SUFU: variants seen among roughly 807,000 people sequenced by gnomAD.
SUFU encodes SUFU negative regulator of hedgehog signaling, also known as suppressor of fused homolog.
A neutral mutation model predicts 58.9 loss-of-function variants in SUFU; 7 were observed. The ratio of observed to expected loss-of-function variants is 0.12; its 90% CI spans 0.07 to 0.22. The LOEUF is 0.22. Ranked by LOEUF, SUFU falls within the 10% of genes least tolerant of loss-of-function variation. The probability of loss-of-function intolerance (pLI) is 1.00; values close to 1 mark genes in which losing one functional copy is unlikely to be tolerated. For missense variants in SUFU, 451 were observed against 641.3 expected (o/e 0.70, Z 3.20); for synonymous variants, 232 against 254.8 (o/e 0.91, Z 0.85).
chr10:102,588,572 G>A lies in SUFU; in HGVS notation c.455-4010G>A, dbSNP rs142615837. On this transcript the variant is annotated intron_variant, in intron 3 of 11. Transcript: ENST00000369902. ...AAAATTAAGACCTTCAACTTTGCTC[G>A]TCTTCTTTAAGAATGTTTTGGCTAT... Among the ~76,000 whole-genome samples, 10 of 152,184 alleles carry A rather than the reference G, an allele frequency of 6.6e-5. No individual in the cohort carries two copies. The East Asian group carries it at 1.3e-3, about 21-fold the overall frequency.
intron 2 of SUFU, 146 bp from the exon 3 acceptor site, chr10:102,549,824 C>T (rs2062892949): frequency 1.9e-6 from 2 of 1,043,766 alleles, no homozygotes; most frequent in Admixed American, 2.2e-5. Context: ...GTTCCCTCCC[C>T]ACAAGGCTCA....
At chr10:102,545,372 G>A (rs2135732611) in intron 2 of SUFU, among the ~76,000 whole-genome samples, 1 of 148,326 alleles carries the variant, frequency 6.7e-6, no homozygotes, top group Non-Finnish European at 1.5e-5. Context: ...CGGCTCAAGT[G>A]GTCCATCCAC....
intron 3 of SUFU, among the ~76,000 whole-genome samples, chr10:102,578,887 A>T (rs2063244230): frequency 6.6e-6 from 1 of 151,562 alleles, no homozygotes; most frequent in South Asian, 2.1e-4. Context: ...AGAAAAAAAA[A>T]AAAGAGCAAA....
At chr10:102,561,938 G>A (rs1424157861) in intron 3 of SUFU, among the ~76,000 whole-genome samples, 1 of 152,054 alleles carries the variant, frequency 6.6e-6, no homozygotes, top group Non-Finnish European at 1.5e-5. Context: ...CAAAGTGGAG[G>A]GATTATAGGC....
chr10:102,512,483 GA>G (rs1362549718), intron 2 of SUFU, among the ~76,000 whole-genome samples: 1 of 152,204 alleles, frequency 6.6e-6, no homozygotes, highest in Non-Finnish European at 1.5e-5. Flanking sequence ...TGAAGAATGT[GA>G]TTGAGCAAGC....
chr10:102,545,969 G>A (rs1480435791), intron 2 of SUFU, among the ~76,000 whole-genome samples: 1 of 152,104 alleles, frequency 6.6e-6, no homozygotes, highest in Non-Finnish European at 1.5e-5. Context: ...GTGAGGCTCG[G>A]TCTCACATAT....
At chr10:102,559,325 G>T (rs1208256958) in intron 3 of SUFU, among the ~76,000 whole-genome samples, 2 of 152,010 alleles carry the variant, frequency 1.3e-5, no homozygotes, top group African/African-American at 4.8e-5. Flanking sequence ...CAAAATTGGG[G>T]TTCTGTTAGT....
chr10:102,513,820 C>T (rs1046260334), intron 2 of SUFU, among the ~76,000 whole-genome samples: 1 of 152,206 alleles, frequency 6.6e-6, no homozygotes, highest in African/African-American at 2.4e-5. Context: ...ATTGTTGCCA[C>T]TTGTAGTATT....
At chr10:102,526,711 G>A (rs1444593060) in intron 2 of SUFU, among the ~76,000 whole-genome samples, 1 of 152,142 alleles carries the variant, frequency 6.6e-6, no homozygotes, top group Non-Finnish European at 1.5e-5. Context: ...GGCAGCCAGG[G>A]CTGTCACATT....
At chr10:102,570,430 A>G (rs117899099) in intron 3 of SUFU, among the ~76,000 whole-genome samples, 3,159 of 152,108 alleles carry the variant, frequency 0.021, 78 homozygotes, top group Non-Finnish European at 0.027. Context: ...TTTAGTAGAG[A>G]CGGAGTTTCA....
rs1315277679 is a variant in SUFU, at chr10:102,504,182, C to T, written c.30C>T (p.Pro10=). Residue 10 remains proline, a synonymous_variant, in exon 1 of 12, where the codon CCC becomes CCT. Coordinates refer to ENST00000369902, the MANE Select transcript of SUFU (RefSeq NM_016169.4). MAELRPSGA[P]GPTAPPAPGP... ...CGGAGCTGCGGCCTAGCGGCGCCCC[C>T]GGCCCCACCGCGCCCCCGGCCCCTG... is the stretch of plus-strand genomic sequence containing the variant. 1.9e-6 allele frequency: 3 copies of T among 1,548,338 alleles called. No individual in the cohort carries two copies. Among genetic ancestry groups the T allele is most frequent in the Middle Eastern group, 4.5e-4 (2 of 4,470 alleles).
At chr10:102,522,667 T>C (rs540506095) in intron 2 of SUFU, among the ~76,000 whole-genome samples, 7 of 152,304 alleles carry the variant, frequency 4.6e-5, no homozygotes, top group East Asian at 3.9e-4. Context: ...GGACTAGATC[T>C]AGAGATCTAG....
intron 3 of SUFU, among the ~76,000 whole-genome samples, chr10:102,560,842 T>C (rs1564681400): frequency 6.7e-6 from 1 of 150,036 alleles, no homozygotes; most frequent in Non-Finnish European, 1.5e-5. Context: ...AAGTATTTCT[T>C]TTTTTTTTTG....
At chr10:102,607,456 A>G (rs1378616854) in intron 8 of SUFU, among the ~76,000 whole-genome samples, 3 of 152,254 alleles carry the variant, frequency 2.0e-5, no homozygotes, top group Non-Finnish European at 1.5e-5. Flanking sequence ...GTATATTAAT[A>G]TAATACATGG....
At chr10:102,557,356 C>T (rs985834413) in intron 3 of SUFU, among the ~76,000 whole-genome samples, 1 of 151,944 alleles carries the variant, frequency 6.6e-6, no homozygotes, top group African/African-American at 2.4e-5. Flanking sequence ...GGCAGTGAGG[C>T]GGGCAGATTG....
chr10:102,591,617 T>G (rs2063402621), intron 3 of SUFU: 1 of 150,864 alleles, frequency 6.6e-6, no homozygotes. Flanking sequence ...ATTCGTGAAG[T>G]GTTCCATATT....
chr10:102,586,438 C>A (rs1464410611), intron 3 of SUFU, among the ~76,000 whole-genome samples: 1 of 151,990 alleles, frequency 6.6e-6, no homozygotes, highest in East Asian at 2.0e-4. Flanking sequence ...CTTTGGGAGG[C>A]CGAGGCGGGT....
chr10:102,571,298 G>A (rs964888702), intron 3 of SUFU, among the ~76,000 whole-genome samples: 3 of 152,226 alleles, frequency 2.0e-5, no homozygotes, highest in African/African-American at 7.2e-5. Context: ...AGAGAAGTTA[G>A]TGTTTCATTA....
At chr10:102,600,027 G>A (rs939135184) in intron 8 of SUFU, among the ~76,000 whole-genome samples, 1 of 152,106 alleles carries the variant, frequency 6.6e-6, no homozygotes, top group Non-Finnish European at 1.5e-5. Flanking sequence ...CTTCCCTGGG[G>A]CCCAGGGAAG....
Sources: gnomAD v4.1 joint callset for allele counts (sites outside exome capture counted in the v4.1 genomes callset) on GRCh38, gnomAD v4.1.1 for gene constraint, MANE v1.5 for transcripts, NCBI Gene and HGNC (gene_info 2026-07-23, HGNC 2026-07-21) for gene names.